Variants in ASTN2 observed in about 807,000 individuals in gnomAD.
ASTN2 encodes astrotactin-2.
In ASTN2, 54 loss-of-function variants were observed where a neutral mutation model predicts 139.8. The ratio of observed to expected loss-of-function variants is 0.39; its 90% CI spans 0.31 to 0.48. The LOEUF is 0.48. ASTN2 is among the 20% of genes least tolerant of loss of function. ASTN2 has a pLI of 0.95. For synonymous variants in ASTN2, 756 were observed against 719.5 expected, an observed-to-expected ratio of 1.05 and a Z score of -0.81; for missense variants, 1,565 against 1,725.1, an observed-to-expected ratio of 0.91 and a Z score of 1.64.
At chr9:117,186,391 C>CA (rs1420437407) in intron 3 of ASTN2, among the ~76,000 whole-genome samples, 5 of 148,608 alleles carry the variant, frequency 3.4e-5, no homozygotes, top group Admixed American at 1.3e-4. Context: ...CTAAAAAATA[C>CA]AAAAAATTAG....
At chr9:117,404,855 A>T (rs117756395) in intron 1 of ASTN2, among the ~76,000 whole-genome samples, 1 of 152,036 alleles carries the variant, frequency 6.6e-6, no homozygotes, top group Admixed American at 6.6e-5. Flanking sequence ...AAAAGGGGGA[A>T]AAAAAAGAAG....
chr9:116,759,722 A>T (rs147198425), intron 13 of ASTN2, among the ~76,000 whole-genome samples: 5 of 151,984 alleles, frequency 3.3e-5, no homozygotes, highest in African/African-American at 1.2e-4. Context: ...TCTTTATATC[A>T]CTTATAACCA....
chr9:117,323,081 A>G (rs1828385697), intron 1 of ASTN2, among the ~76,000 whole-genome samples: 2 of 152,116 alleles, frequency 1.3e-5, no homozygotes, highest in South Asian at 2.1e-4. Context: ...CCCTGATGTT[A>G]GATTGACAGT....
intron 19 of ASTN2, among the ~76,000 whole-genome samples, chr9:116,563,412 TAAA>T (rs930126433): frequency 6.9e-6 from 1 of 145,442 alleles, no homozygotes; most frequent in Admixed American, 6.8e-5. Flanking sequence ...AAAATAAAAA[TAAA>T]AAAATTATCC....
At chr9:116,938,901 C>T (rs998575150) in intron 10 of ASTN2, among the ~76,000 whole-genome samples, 2 of 152,210 alleles carry the variant, frequency 1.3e-5, no homozygotes, top group Non-Finnish European at 2.9e-5. Context: ...CACAATTTAA[C>T]TCAACAAACA....
intron 2 of ASTN2, among the ~76,000 whole-genome samples, chr9:117,242,086 T>C (rs17318223): frequency 0.25 from 35,865 of 142,246 alleles, 5,255 homozygotes; most frequent in South Asian, 0.34. Flanking sequence ...GGCCTAGATA[T>C]GGACTTGGGC....
chr9:116,763,859 C>T (rs1234366047), intron 13 of ASTN2, among the ~76,000 whole-genome samples: 1 of 152,130 alleles, frequency 6.6e-6, no homozygotes, highest in African/African-American at 2.4e-5. Flanking sequence ...TGAGCTAGGC[C>T]ATTGCAGGTG....
chr9:116,672,376 A>T (rs959159626), intron 16 of ASTN2, among the ~76,000 whole-genome samples: 6 of 152,142 alleles, frequency 3.9e-5, no homozygotes, highest in African/African-American at 1.4e-4. Flanking sequence ...AAAAAAAAAA[A>T]AAATCTAGTA....
At chr9:117,085,281 C>G (rs190294414) in intron 5 of ASTN2, among the ~76,000 whole-genome samples, 6 of 152,270 alleles carry the variant, frequency 3.9e-5, no homozygotes, top group East Asian at 1.9e-4. Flanking sequence ...TAAGTTCTTA[C>G]TTCTTACTGA....
chr9:116,495,519 G>A (rs1308708321), intron 19 of ASTN2, among the ~76,000 whole-genome samples: 1 of 150,912 alleles, frequency 6.6e-6, no homozygotes, highest in African/African-American at 2.5e-5. Context: ...TGTGTCTGAG[G>A]CCTAGATCTA....
chr9:116,942,530 A>G (rs1450134417), intron 10 of ASTN2, among the ~76,000 whole-genome samples: 1 of 152,090 alleles, frequency 6.6e-6, no homozygotes, highest in African/African-American at 2.4e-5. Context: ...TTATCATATC[A>G]CCACTTGTAT....
At chr9:116,845,660 A>G (rs528125233) in intron 11 of ASTN2, among the ~76,000 whole-genome samples, 5 of 152,352 alleles carry the variant, frequency 3.3e-5, no homozygotes, top group Admixed American at 3.3e-4. Context: ...TCATTAGCGA[A>G]ATGCAAATCG....
chr9:117,396,941 C>CT (rs58488186), intron 1 of ASTN2, among the ~76,000 whole-genome samples: 72 of 111,064 alleles, frequency 6.5e-4, no homozygotes, highest in South Asian at 1.2e-3. Flanking sequence ...TCCACTCAAG[C>CT]TTTTTTTTTT....
intron 2 of ASTN2, among the ~76,000 whole-genome samples, chr9:117,235,469 G>A (rs1244669135): frequency 6.6e-6 from 1 of 152,124 alleles, no homozygotes; most frequent in East Asian, 1.9e-4. Flanking sequence ...TTAGAACCCA[G>A]ACCTCTAAGA....
rs369983751 is a variant in ASTN2, at chr9:116,861,975, T to TC, written c.2040+1607_2040+1608insG. Among the ~76,000 whole-genome samples the TC allele has an allele frequency of 4.9e-3, 206 of 42,126 alleles. 1 individual carries two copies. The highest frequency in any genetic ancestry group is 4.8e-3 in the East Asian group (13 of 2,724). The allele number at this position is 42,126 out of a possible 152,430, so 27.6% of individuals were successfully genotyped here. A position where few individuals can be genotyped will look rare whatever the true frequency, so the allele number is the denominator to read the frequency against. On this transcript the variant is annotated intron_variant, in intron 11 of 22. Transcript: ENST00000313400. ...TTAAGCCAATGCATTTCCTTCTTCT[T>TC]TTTTTTTTTTTTTTTGCCTATACTA...
At chr9:116,615,758 G>A (rs1289656928) in intron 19 of ASTN2, among the ~76,000 whole-genome samples, 3 of 151,708 alleles carry the variant, frequency 2.0e-5, no homozygotes, top group African/African-American at 7.3e-5. Context: ...ATAGCATTAG[G>A]AGATATACCT....
intron 3 of ASTN2, among the ~76,000 whole-genome samples, chr9:117,162,981 G>A (rs985180369): frequency 2.0e-5 from 3 of 152,074 alleles, no homozygotes; most frequent in African/African-American, 7.2e-5. Context: ...AATGCTCCCA[G>A]ACAAAGATCT....
chr9:117,324,191 T>G (rs1323819765), intron 1 of ASTN2, among the ~76,000 whole-genome samples: 6 of 151,876 alleles, frequency 4.0e-5, no homozygotes, highest in African/African-American at 2.4e-5. Flanking sequence ...ATAGGATGAG[T>G]AGAATTTTCC....
chr9:116,467,897 G>A (rs1390261193), intron 20 of ASTN2, among the ~76,000 whole-genome samples: 1 of 152,258 alleles, frequency 6.6e-6, no homozygotes, highest in South Asian at 2.1e-4. Context: ...TTGCTCCTAC[G>A]ATTGGCTCTG....
Sources: allele counts gnomAD v4.1 joint callset (sites outside exome capture counted in the v4.1 genomes callset), GRCh38; gene constraint gnomAD v4.1.1; transcripts MANE v1.5; gene names NCBI Gene and HGNC (gene_info 2026-07-23, HGNC 2026-07-21).